SPAG17: variants seen among roughly 807,000 people sequenced by gnomAD.
SPAG17 encodes the protein sperm associated antigen 17, also known as sperm-associated antigen 17.
Under a neutral mutation model 273.6 loss-of-function variants are expected in SPAG17, and 169 were observed. The observed-to-expected ratio is 0.62, with a 90% CI of 0.55 to 0.70. The LOEUF (loss-of-function observed/expected upper bound fraction) is 0.70, where lower values mean the gene tolerates loss of function less well. Among genes scored for constraint, SPAG17 ranks in the 30% least tolerant of loss-of-function variants. SPAG17 has a pLI of 0.00. For synonymous variants in SPAG17, 825 were observed against 873.2 expected, an observed-to-expected ratio of 0.94 and a Z score of 0.97; for missense variants, 2,557 against 2,627.8, an observed-to-expected ratio of 0.97 and a Z score of 0.59.
At chr1:118,046,241 G>A (rs1164318034) in intron 20 of SPAG17, among the ~76,000 whole-genome samples, 1 of 152,058 alleles carries the variant, frequency 6.6e-6, no homozygotes, top group East Asian at 1.9e-4. Context: ...GCAGGCTGAG[G>A]CAGGAGGATC....
At chr1:118,166,305 A>T (rs749868286) in intron 1 of SPAG17, among the ~76,000 whole-genome samples, 2 of 152,216 alleles carry the variant, frequency 1.3e-5, no homozygotes, top group African/African-American at 2.4e-5. Context: ...ACATTTTGAA[A>T]GCATTTTACA....
rs75147583 is a variant in SPAG17 at position 118,180,769 on chromosome 1, T to C, written c.87+4302A>G. ...ATTGATAAAAAAATTTTAAAGGGAG[T>C]CCTTGAAGTTGAAATGAAGGATGCT... On this transcript the variant is annotated intron_variant, in intron 1 of 48. Coordinates refer to ENST00000336338, the MANE Select transcript of SPAG17 (RefSeq NM_206996.4). Among the ~76,000 whole-genome samples, 954 of 151,674 alleles carry C rather than the reference T, an allele frequency of 6.3e-3. 9 individuals carry two copies. The highest frequency in any genetic ancestry group is 0.022 in the African/African-American group (919 of 41,394).
At chr1:118,127,412 G>A (rs1380570107) in intron 3 of SPAG17, among the ~76,000 whole-genome samples, 2 of 152,134 alleles carry the variant, frequency 1.3e-5, no homozygotes, top group Non-Finnish European at 2.9e-5. Flanking sequence ...GAAGGCAGGA[G>A]CAAGATGGGA....
intron 23 of SPAG17, among the ~76,000 whole-genome samples, chr1:118,038,630 G>C (rs1471594583): frequency 6.6e-6 from 1 of 152,076 alleles, no homozygotes; most frequent in East Asian, 1.9e-4. Flanking sequence ...AAGACACACA[G>C]GAAACTTAAA....
intron 18 of SPAG17, among the ~76,000 whole-genome samples, chr1:118,061,659 G>A (rs1652308662): frequency 6.6e-6 from 1 of 152,156 alleles, no homozygotes; most frequent in African/African-American, 2.4e-5. Context: ...ATGGACATGA[G>A]GACATTTTTT....
intron 1 of SPAG17, among the ~76,000 whole-genome samples, chr1:118,158,756 G>GAT (rs889717830): frequency 1.2e-4 from 19 of 152,112 alleles, no homozygotes; most frequent in East Asian, 3.9e-4. Context: ...TTTGATTATA[G>GAT]ATATATATAT....
chr1:118,156,800 T>C (rs1038885839), intron 1 of SPAG17, among the ~76,000 whole-genome samples: 2 of 150,770 alleles, frequency 1.3e-5, no homozygotes, highest in Admixed American at 6.6e-5. Context: ...TGTGATTTCT[T>C]TTTTTTTTTC....
At chr1:118,148,710 G>C (rs973703149) in intron 3 of SPAG17, among the ~76,000 whole-genome samples, 1 of 152,178 alleles carries the variant, frequency 6.6e-6, no homozygotes, top group African/African-American at 2.4e-5. Flanking sequence ...AACCATGCAA[G>C]ATTCTAAACA....
Position 118,023,368 on chromosome 1 carries a change from C to T in SPAG17, c.4005G>A (p.Leu1335=). 6.2e-7 allele frequency: 1 copy of T among 1,612,764 alleles called. No homozygotes were observed. The highest frequency in any genetic ancestry group is 8.5e-7 in the Non-Finnish European group (1 of 1,179,150). ...EMPATPHSGD[L]MDSISQQKSE... is the part of the protein sequence containing the mutation. ...ATTTCTGCTGAGAAATAGAGTCCAT[C>T]AAATCTCCACTGTGAGGCGTTGCTG... The change falls in exon 28 of 49, where the codon TTG becomes TTA. Residue 1335 remains leucine (L), a synonymous_variant. Transcript: ENST00000336338.
intron 17 of SPAG17, among the ~76,000 whole-genome samples, chr1:118,067,942 A>G (rs561441054): frequency 2.0e-3 from 298 of 152,238 alleles, no homozygotes; most frequent in African/African-American, 7.0e-3. Flanking sequence ...CATCCTCAGC[A>G]TGCACTGCGG....
intron 18 of SPAG17, among the ~76,000 whole-genome samples, chr1:118,062,384 A>AAAAAAAAAAAAAAAAAAAAT (rs1553242204): frequency 6.7e-6 from 1 of 149,198 alleles, no homozygotes; most frequent in African/African-American, 2.5e-5. Context: ...AAAAAAAAAA[A>AAAAAAAAAAAAAAAAAAAAT]AAATTAAAGA....
At chr1:118,028,807 C>G (rs1648083410) in intron 25 of SPAG17, among the ~76,000 whole-genome samples, 1 of 152,082 alleles carries the variant, frequency 6.6e-6, no homozygotes. Context: ...ACCAATGTGA[C>G]AGTATTAAAG....
Position 118,043,715 on chromosome 1 carries a change from TTAAGG to T in SPAG17, c.2815-1678_2815-1674del, listed in dbSNP as rs558630943. ...CTGATTGATTGTTTATTATCTAGAT[TTAAGG>T]AAGTGATGGAGATCATGTTAATAAT... On this transcript the variant is annotated intron_variant, in intron 20 of 48. Coordinates refer to ENST00000336338, the MANE Select transcript of SPAG17 (RefSeq NM_206996.4). Among the ~76,000 whole-genome samples, 101 of 152,282 alleles carry T rather than the reference TTAAGG, an allele frequency of 6.6e-4. No individual in the cohort carries two copies. The Middle Eastern group carries it at 0.01, about 15-fold the overall frequency.
chr1:118,013,209 C>A (rs151178636), intron 29 of SPAG17, among the ~76,000 whole-genome samples: 529 of 152,310 alleles, frequency 3.5e-3, no homozygotes, highest in African/African-American at 0.012. Context: ...TAAACTTACA[C>A]TATTCTAACT....
At chr1:118,163,337 T>G (rs1420576661) in intron 1 of SPAG17, among the ~76,000 whole-genome samples, 1 of 152,244 alleles carries the variant, frequency 6.6e-6, no homozygotes, top group East Asian at 1.9e-4. Flanking sequence ...ACTTGAAGAA[T>G]TAGTGGAAGG....
At position 118,055,715 on chromosome 1, in the gene SPAG17, G is replaced by A. The variant is rs773715452; in HGVS notation, c.2722+18C>T. ...TTCTTGAATTTTATTCTACGTATAA[G>A]TTGAACTGGTTACTTACTTTTAGAT... is the stretch of plus-strand genomic sequence containing the variant. On this transcript the variant is annotated intron_variant, in intron 19 of 48. Transcript: ENST00000336338. 2 of 1,569,468 alleles carry A rather than the reference G, an allele frequency of 1.3e-6. No homozygotes were observed. The highest frequency in any genetic ancestry group is 1.4e-5 in the African/African-American group (1 of 73,674).
At chr1:118,089,887 C>G (rs941145211) in intron 10 of SPAG17, among the ~76,000 whole-genome samples, 3 of 152,098 alleles carry the variant, frequency 2.0e-5, no homozygotes, top group African/African-American at 7.2e-5. Context: ...CCATGCTGTT[C>G]TTATGATAAT....
At chr1:118,166,670 C>A (rs1660183618) in intron 1 of SPAG17, among the ~76,000 whole-genome samples, 1 of 152,078 alleles carries the variant, frequency 6.6e-6, no homozygotes, top group Non-Finnish European at 1.5e-5. Context: ...TCATTGAAAC[C>A]ATTTTTCTTG....
At chr1:117,976,411 T>C (rs891190572) in intron 43 of SPAG17, among the ~76,000 whole-genome samples, 1 of 152,228 alleles carries the variant, frequency 6.6e-6, no homozygotes, top group African/African-American at 2.4e-5. Flanking sequence ...AATTATTTAT[T>C]TCCCCATTGA....
Sources: allele counts gnomAD v4.1 joint callset (sites outside exome capture counted in the v4.1 genomes callset), GRCh38; gene constraint gnomAD v4.1.1; transcripts MANE v1.5; gene names NCBI Gene and HGNC (gene_info 2026-07-23, HGNC 2026-07-21).